The following SLAMF9 variants were observed in gnomAD, a reference collection of about 807,000 sequenced individuals.
SLAMF9 encodes CD2 family member 10.
In SLAMF9, 25 loss-of-function variants were observed where a neutral mutation model predicts 30.4. The ratio of observed to expected loss-of-function variants is 0.82; its 90% confidence interval spans 0.60 to 1.15. SLAMF9 has a LOEUF of 1.15. SLAMF9 is among the 50% of genes most tolerant of loss of function. The pLI, the probability that SLAMF9 is intolerant of heterozygous loss-of-function variation, is 0.00. For synonymous variants in SLAMF9, 129 were observed against 127.2 expected (o/e 1.01, Z -0.09); for missense variants, 344 against 346.1 (o/e 0.99, Z 0.05).
At position 159,951,799 on chromosome 1, in the gene SLAMF9, G is replaced by C. The variant is rs1571227576; in HGVS notation, c.732C>G (p.Phe244Leu). The C allele has an allele frequency of 6.2e-7, 1 of 1,614,216 alleles. No homozygotes were observed. Among genetic ancestry groups the C allele is most frequent in the Middle Eastern group, 1.6e-4 (1 of 6,062 alleles). ...FCLLAKGLLI[F>L]LLLVILAMGL... ...CCATGGCCAGAATTACCAAGAGCAA[G>C]AAGATGAGCAATCCCTTGGCCAGGA... The change falls in exon 4 of 4, where the codon TTC becomes TTG. Residue 244 changes from phenylalanine to leucine, a missense_variant. Coordinates refer to ENST00000368093, the MANE Select transcript of SLAMF9 (RefSeq NM_033438.4).
the SLAMF9 span, among the ~76,000 whole-genome samples, chr1:159,966,486 G>A: frequency 6.6e-6 from 1 of 152,290 alleles, no homozygotes; most frequent in African/African-American, 2.4e-5. Flanking sequence ...TCTCAGAAGT[G>A]GGATAGTTGG....
chr1:159,954,021 C>G, intron 1 of SLAMF9, 71 bp downstream of exon 1: 1 of 1,586,700 alleles, frequency 6.3e-7, no homozygotes, highest in Non-Finnish European at 8.6e-7. Flanking sequence ...TCTTACTGGC[C>G]CAGACCCAGT....
At chr1:159,977,782 C>G in the SLAMF9 span, among the ~76,000 whole-genome samples, 1 of 152,242 alleles carries the variant, frequency 6.6e-6, no homozygotes, top group Non-Finnish European at 1.5e-5. Context: ...CTCAGCCAGA[C>G]AGCTGTCCCC....
At chr1:159,963,329 T>C in the SLAMF9 span, among the ~76,000 whole-genome samples, 3 of 152,004 alleles carry the variant, frequency 2.0e-5, no homozygotes, top group Admixed American at 6.6e-5. Context: ...ACACAGGAAG[T>C]CTCTAACATA....
At chr1:159,976,290 A>G in the SLAMF9 span, among the ~76,000 whole-genome samples, 5 of 152,244 alleles carry the variant, frequency 3.3e-5, no homozygotes, top group Non-Finnish European at 5.9e-5. Context: ...ATGAGAAAGA[A>G]CAAGGTAGAT....
the SLAMF9 span, among the ~76,000 whole-genome samples, chr1:159,971,924 C>A: frequency 1.3e-5 from 2 of 152,124 alleles, no homozygotes; most frequent in African/African-American, 4.8e-5. Flanking sequence ...TGTCCCCTTA[C>A]CCCCGCCACC....
chr1:159,959,036 G>A (rs932291317), upstream of SLAMF9, among the ~76,000 whole-genome samples: 3 of 152,066 alleles, frequency 2.0e-5, no homozygotes, highest in African/African-American at 4.8e-5. Context: ...GCTGGTAGTC[G>A]GGGAGGGAGC....
At chr1:159,971,928 C>T in the SLAMF9 span, among the ~76,000 whole-genome samples, 20 of 152,082 alleles carry the variant, frequency 1.3e-4, no homozygotes, top group African/African-American at 4.1e-4. Context: ...CCCTTACCCC[C>T]GCCACCAAAA....
In SLAMF9 at chr1:159,951,558, C is replaced by A; in HGVS notation, c.*103G>T. On this transcript the variant is annotated 3_prime_UTR_variant, in exon 4 of 4. Transcript: ENST00000368093. ...CTCAGAAGTATGGCTCTCTGGATACCCACCCCTGAGCACCTCCTTCCCCTG... is the reference window on the plus strand; with the variant it reads ...CTCAGAAGTATGGCTCTCTGGATACACACCCCTGAGCACCTCCTTCCCCTG... 9.2e-7 allele frequency: 1 copy of A among 1,088,230 alleles called. No homozygotes were observed. The highest frequency in any genetic ancestry group is 1.6e-5 in the African/African-American group (1 of 63,896). The allele number at this position is 1,088,230 out of a possible 1,614,324, so 67.4% of individuals were successfully genotyped here. A position where few individuals can be genotyped will look rare whatever the true frequency, so the allele number is the denominator to read the frequency against.
the SLAMF9 span, among the ~76,000 whole-genome samples, chr1:159,967,880 C>A: frequency 6.6e-6 from 1 of 152,110 alleles, no homozygotes; most frequent in African/African-American, 2.4e-5. Flanking sequence ...TAAATGGGAT[C>A]GTTCTTAATT....
the SLAMF9 span, among the ~76,000 whole-genome samples, chr1:159,967,895 T>C: frequency 6.6e-5 from 10 of 152,218 alleles, no homozygotes; most frequent in Non-Finnish European, 1.3e-4. Flanking sequence ...TTAATTTTCT[T>C]TTTGGATAGC....
chr1:159,951,979 G>A, intron 3 of SLAMF9, 113 bp from the exon 4 acceptor site: 1 of 876,260 alleles, frequency 1.1e-6, no homozygotes, highest in South Asian at 1.7e-5. Context: ...ATCAGTTGAA[G>A]TCCCCTTGCA....
At chr1:159,963,368 G>A in the SLAMF9 span, among the ~76,000 whole-genome samples, 6 of 152,304 alleles carry the variant, frequency 3.9e-5, no homozygotes, top group Admixed American at 1.3e-4. Flanking sequence ...ATTCAAGAAC[G>A]TTAGCTGGCA....
the SLAMF9 span, among the ~76,000 whole-genome samples, chr1:159,978,246 G>C: frequency 6.6e-6 from 1 of 152,102 alleles, no homozygotes; most frequent in Non-Finnish European, 1.5e-5. Context: ...TGTCCTCCAA[G>C]AAGAAGCAAG....
the SLAMF9 span, among the ~76,000 whole-genome samples, chr1:159,966,061 C>A: frequency 0.026 from 3,958 of 152,142 alleles, 169 homozygotes; most frequent in African/African-American, 0.09. Flanking sequence ...AAAACTTATT[C>A]CTCTTGTTTA....
chr1:159,969,114 G>A, the SLAMF9 span, among the ~76,000 whole-genome samples: 2 of 152,096 alleles, frequency 1.3e-5, no homozygotes, highest in South Asian at 2.1e-4. Flanking sequence ...AGAGGAAATG[G>A]GAAACAGAAG....
chr1:159,963,564 T>C, the SLAMF9 span, among the ~76,000 whole-genome samples: 2 of 152,190 alleles, frequency 1.3e-5, no homozygotes, highest in African/African-American at 4.8e-5. Context: ...TCTCTCAGGC[T>C]TCACACATCT....
the SLAMF9 span, among the ~76,000 whole-genome samples, chr1:159,968,316 A>AT: frequency 6.6e-6 from 1 of 152,104 alleles, no homozygotes; most frequent in East Asian, 1.9e-4. Flanking sequence ...ACCCCATCTC[A>AT]TTTTTGTAAT....
the SLAMF9 span, among the ~76,000 whole-genome samples, chr1:159,969,259 T>TG: frequency 1.5e-5 from 2 of 135,510 alleles, no homozygotes; most frequent in African/African-American, 5.3e-5. Context: ...GATAGCTGCC[T>TG]GGGGGGGATG....
Sources: gnomAD v4.1 joint callset for allele counts (sites outside exome capture counted in the v4.1 genomes callset) on GRCh38, gnomAD v4.1.1 for gene constraint, MANE v1.5 for transcripts, NCBI Gene and HGNC (gene_info 2026-07-23, HGNC 2026-07-21) for gene names.